CNTN4: variants seen among roughly 807,000 people sequenced by gnomAD.
CNTN4 encodes the protein contactin 4, also known as contactin-4.
Under a neutral mutation model 122.5 loss-of-function variants are expected in CNTN4, and 77 were observed. That is an observed-to-expected ratio of 0.63 (90% CI 0.52 to 0.76). The LOEUF (loss-of-function observed/expected upper bound fraction) is 0.76, where lower values mean the gene tolerates loss of function less well. Ranked by LOEUF, CNTN4 falls within the 30% of genes least tolerant of loss-of-function variation. The pLI, the probability that CNTN4 is intolerant of heterozygous loss-of-function variation, is 0.00. For synonymous variants in CNTN4, 512 were observed against 447.0 expected (o/e 1.15, Z -1.83); for missense variants, 1,256 against 1,259.1 (o/e 1.00, Z 0.04).
chr3:2,336,672 A>G (rs1387050276), intron 2 of CNTN4, among the ~76,000 whole-genome samples: 1 of 152,148 alleles, frequency 6.6e-6, no homozygotes, highest in African/African-American at 2.4e-5. Context: ...ATAGTCTTCT[A>G]AGCATAAAAA....
chr3:2,570,656 C>T (rs879637454), intron 3 of CNTN4, among the ~76,000 whole-genome samples: 7 of 152,150 alleles, frequency 4.6e-5, no homozygotes, highest in African/African-American at 7.2e-5. Context: ...GGACATGCCT[C>T]CATTCCTCAG....
intron 2 of CNTN4, among the ~76,000 whole-genome samples, chr3:2,192,159 T>C (rs1358960152): frequency 6.6e-6 from 1 of 152,128 alleles, no homozygotes; most frequent in East Asian, 1.9e-4. Flanking sequence ...TTCCAAGTCT[T>C]TGCTATTGTG....
chr3:2,559,430 G>A (rs1438700751), intron 3 of CNTN4, among the ~76,000 whole-genome samples: 9 of 152,090 alleles, frequency 5.9e-5, no homozygotes, highest in Non-Finnish European at 1.2e-4. Flanking sequence ...AAGAAATAAG[G>A]GACTCACATA....
chr3:2,761,071 G>A (rs981618672), intron 6 of CNTN4, among the ~76,000 whole-genome samples: 1 of 152,156 alleles, frequency 6.6e-6, no homozygotes, highest in Non-Finnish European at 1.5e-5. Flanking sequence ...TCCAAGACCA[G>A]TGGAGAGGTA....
intron 4 of CNTN4, among the ~76,000 whole-genome samples, chr3:2,608,860 A>T (rs2081366050): frequency 6.6e-6 from 1 of 152,168 alleles, no homozygotes; most frequent in Admixed American, 6.5e-5. Flanking sequence ...GAACTATCTG[A>T]TTCTTCTTTT....
At chr3:2,641,354 C>CTGGGA (rs2082887643) in intron 4 of CNTN4, among the ~76,000 whole-genome samples, 1 of 152,130 alleles carries the variant, frequency 6.6e-6, no homozygotes, top group Non-Finnish European at 1.5e-5. Context: ...ATATTATTCA[C>CTGGGA]ATTTTTTGTA....
chr3:2,916,849 A>G (rs188455475), intron 12 of CNTN4, among the ~76,000 whole-genome samples: 4,647 of 150,170 alleles, frequency 0.031, 254 homozygotes, highest in African/African-American at 0.11. Context: ...CAGACGGGGC[A>G]GCCAGGCAGA....
At chr3:2,308,053 T>C (rs1010655911) in intron 2 of CNTN4, among the ~76,000 whole-genome samples, 1 of 152,170 alleles carries the variant, frequency 6.6e-6, no homozygotes, top group Non-Finnish European at 1.5e-5. Flanking sequence ...GAGAAGTTTC[T>C]TGATTACTAA....
chr3:2,192,003 G>T (rs1265019447), intron 2 of CNTN4, among the ~76,000 whole-genome samples: 4 of 151,806 alleles, frequency 2.6e-5, no homozygotes, highest in Non-Finnish European at 4.4e-5. Context: ...CCTTGTGATG[G>T]TTTGCTGAGA....
At position 2,917,118 on chromosome 3, in the gene CNTN4, G is replaced by A. The variant is rs371040197; in HGVS notation, c.1208-8511G>A. Among the ~76,000 whole-genome samples, 113 of 136,474 alleles carry A rather than the reference G, an allele frequency of 8.3e-4. 4 individuals are homozygous for A. Among genetic ancestry groups the A allele is most frequent in the Non-Finnish European group, 1.2e-3 (75 of 64,140 alleles). 89.5% of individuals were successfully genotyped at this position (136,474 alleles called of 152,430 possible). On this transcript the variant is annotated intron_variant, in intron 12 of 24. Coordinates refer to ENST00000418658, the MANE Select transcript of CNTN4 (RefSeq NM_175607.3). ...AGCTGGAGACCAGCCCGGCCAACAC[G>A]GCGAAACCCCGTCTCCACCAAAAAA... is the stretch of plus-strand genomic sequence containing the variant.
intron 2 of CNTN4, among the ~76,000 whole-genome samples, chr3:2,316,970 C>A (rs2043124339): frequency 6.6e-6 from 1 of 152,208 alleles, no homozygotes; most frequent in African/African-American, 2.4e-5. Context: ...TTTGTGACTT[C>A]ATTTTCCTTC....
At chr3:2,852,713 C>G (rs980736197) in intron 7 of CNTN4, among the ~76,000 whole-genome samples, 1 of 152,136 alleles carries the variant, frequency 6.6e-6, no homozygotes, top group Admixed American at 6.6e-5. Flanking sequence ...GGTTTCAAGA[C>G]CATGTACGTC....
chr3:2,576,120 C>T (rs866228070), intron 4 of CNTN4, among the ~76,000 whole-genome samples: 45 of 152,226 alleles, frequency 3.0e-4, no homozygotes, highest in Admixed American at 9.8e-4. Flanking sequence ...CAGGCGTGAG[C>T]CACCACGCCC....
At chr3:2,381,126 C>G (rs573129549) in intron 3 of CNTN4, among the ~76,000 whole-genome samples, 1 of 152,164 alleles carries the variant, frequency 6.6e-6, no homozygotes, top group African/African-American at 2.4e-5. Context: ...CTGCCTCAGC[C>G]TCCTGAGTAG....
rs564773818 is a variant in CNTN4 at position 2,783,605 on chromosome 3, A to G, written c.359-35881A>G. On this transcript the variant is annotated intron_variant, in intron 6 of 24. Transcript: ENST00000418658. The stretch of plus-strand genomic sequence containing the variant: ...GCAGGATCCAGCTTTTAAACTTTTT[A>G]ACTTCTAAACTTTTCTCTAGAGTAA... 7.9e-5 allele frequency among the ~76,000 whole-genome samples: 12 copies of G among 152,308 alleles called. No individual in the cohort carries two copies. The South Asian group carries it at 2.5e-3, about 32-fold the overall frequency.
intron 14 of CNTN4, among the ~76,000 whole-genome samples, chr3:3,014,026 T>G (rs1301724259): frequency 6.7e-6 from 1 of 148,216 alleles, no homozygotes; most frequent in Non-Finnish European, 1.5e-5. Context: ...CAAATTTTAT[T>G]GAGGAACAGA....
intron 6 of CNTN4, among the ~76,000 whole-genome samples, chr3:2,815,574 C>A (rs185927199): frequency 0.014 from 2,094 of 152,124 alleles, 26 homozygotes; most frequent in Non-Finnish European, 0.023. Context: ...TGGCCATAAT[C>A]AAAAAACAGT....
chr3:2,456,324 G>C (rs529971063), intron 3 of CNTN4, among the ~76,000 whole-genome samples: 4 of 151,966 alleles, frequency 2.6e-5, no homozygotes, highest in Non-Finnish European at 5.9e-5. Flanking sequence ...TATTATGAAT[G>C]TTATCTCAAA....
chr3:2,870,369 G>A (rs1444261920), intron 8 of CNTN4, among the ~76,000 whole-genome samples: 1 of 152,130 alleles, frequency 6.6e-6, no homozygotes, highest in East Asian at 1.9e-4. Flanking sequence ...GAAAATTCAT[G>A]TCTTTTCCAT....
Sources: allele counts gnomAD v4.1 joint callset (sites outside exome capture counted in the v4.1 genomes callset), GRCh38; gene constraint gnomAD v4.1.1; transcripts MANE v1.5; gene names NCBI Gene and HGNC (gene_info 2026-07-23, HGNC 2026-07-21).